CPA6: variants seen among roughly 807,000 people sequenced by gnomAD.
CPA6 encodes carboxypeptidase B.
A neutral mutation model predicts 63.3 loss-of-function variants in CPA6; 58 were observed. The observed-to-expected ratio is 0.92, with a 90% CI of 0.74 to 1.14. The LOEUF is 1.14. CPA6 is among the 50% of genes most tolerant of loss of function. The pLI, the probability that CPA6 is intolerant of heterozygous loss-of-function variation, is 0.00. For missense variants in CPA6, 565 were observed against 526.6 expected, an observed-to-expected ratio of 1.07 and a Z score of -0.71; for synonymous variants, 185 against 179.0, an observed-to-expected ratio of 1.03 and a Z score of -0.27.
intron 3 of CPA6, among the ~76,000 whole-genome samples, chr8:67,514,147 C>G (rs542808218): frequency 9.9e-5 from 15 of 151,790 alleles, no homozygotes; most frequent in Admixed American, 2.0e-4. Context: ...TAGTAGAGAC[C>G]GGGTTTCACC....
rs1816841412 is a variant in CPA6, at chr8:67,692,914, G to C, written c.116+53100C>G. 2.0e-5 allele frequency among the ~76,000 whole-genome samples: 3 copies of C among 152,184 alleles called. No homozygotes were observed. In the South Asian group the frequency reaches 6.2e-4, roughly 31 times the overall value. ...ACATGTAGACATATATTCACTACGA[G>C]TCATACCCATTAGCATAGACCCATA... On this transcript the variant is annotated intron_variant, in intron 1 of 10. Coordinates refer to ENST00000297770, the MANE Select transcript of CPA6 (RefSeq NM_020361.5).
rs1413664730 is a variant in CPA6, at chr8:67,678,323, AGAGT to A, written c.117-54076_117-54073del. Reference sequence around the variant, plus strand: ...AATTCTGATCATCAAAAGATGCTATAGAGTGAGAGAATATTCACAATTTGTTACA... The same window carrying A: ...AATTCTGATCATCAAAAGATGCTATAGAGAGAATATTCACAATTTGTTACA... On this transcript the variant is annotated intron_variant, in intron 1 of 10. Coordinates refer to ENST00000297770, the MANE Select transcript of CPA6 (RefSeq NM_020361.5). 7.9e-5 allele frequency among the ~76,000 whole-genome samples: 12 copies of A among 152,178 alleles called. No homozygotes were observed. The South Asian group carries it at 2.3e-3, about 29-fold the overall frequency.
intron 1 of CPA6, among the ~76,000 whole-genome samples, chr8:67,649,819 A>T (rs747220895): frequency 3.3e-5 from 5 of 152,176 alleles, no homozygotes; most frequent in Non-Finnish European, 7.3e-5. Context: ...GACCAAAAAA[A>T]ATGCTTCTTG....
intron 1 of CPA6, among the ~76,000 whole-genome samples, chr8:67,695,096 T>C (rs1304098187): frequency 6.6e-6 from 1 of 152,180 alleles, no homozygotes; most frequent in Non-Finnish European, 1.5e-5. Context: ...GGGAGGATTT[T>C]AATAATCAAG....
At chr8:67,674,370 T>C (rs1339353675) in intron 1 of CPA6, among the ~76,000 whole-genome samples, 1 of 152,230 alleles carries the variant, frequency 6.6e-6, no homozygotes, top group Non-Finnish European at 1.5e-5. Flanking sequence ...GCAAGCTGGT[T>C]ATTTGTCAAA....
chr8:67,621,763 C>T (rs967573640), intron 2 of CPA6, among the ~76,000 whole-genome samples: 4 of 152,214 alleles, frequency 2.6e-5, no homozygotes, highest in Non-Finnish European at 4.4e-5. Context: ...TCCCTTCTTT[C>T]TCACCAGATC....
At chr8:67,744,037 G>T (rs1475198535) in intron 1 of CPA6, among the ~76,000 whole-genome samples, 6 of 152,204 alleles carry the variant, frequency 3.9e-5, no homozygotes, top group Non-Finnish European at 8.8e-5. Context: ...TTCACCGGAA[G>T]GCTAAACTTG....
chr8:67,599,550 A>G (rs181514960), intron 2 of CPA6, among the ~76,000 whole-genome samples: 2 of 152,220 alleles, frequency 1.3e-5, no homozygotes, highest in East Asian at 1.9e-4. Flanking sequence ...ATAATCAACT[A>G]TTGTTTCAAT....
intron 8 of CPA6, among the ~76,000 whole-genome samples, chr8:67,448,639 G>GAAATAAAAAAAAAAAA (rs748305204): frequency 4.3e-5 from 1 of 23,310 alleles, no homozygotes; most frequent in African/African-American, 1.7e-4. Context: ...CTCAAAAAAG[G>GAAATAAAAAAAAAAAA]AAAAAAAAAA....
At chr8:67,639,659 T>C (rs1815545967) in intron 1 of CPA6, among the ~76,000 whole-genome samples, 1 of 151,694 alleles carries the variant, frequency 6.6e-6, no homozygotes, top group African/African-American at 2.4e-5. Flanking sequence ...CTGGGCTCCC[T>C]GAAGGGCTGC....
chr8:67,724,192 C>T (rs1046240489), intron 1 of CPA6, among the ~76,000 whole-genome samples: 1 of 152,184 alleles, frequency 6.6e-6, no homozygotes, highest in Non-Finnish European at 1.5e-5. Context: ...TGCTTGTTTA[C>T]ATCAGATACA....
chr8:67,692,670 C>T (rs952348429), intron 1 of CPA6, among the ~76,000 whole-genome samples: 1 of 152,152 alleles, frequency 6.6e-6, no homozygotes, highest in Non-Finnish European at 1.5e-5. Context: ...ACTAGAATCA[C>T]ACAGAAGTGC....
intron 8 of CPA6, among the ~76,000 whole-genome samples, chr8:67,475,884 TTC>T (rs1811208844): frequency 2.6e-5 from 1 of 39,214 alleles, no homozygotes; most frequent in Non-Finnish European, 5.1e-5. Flanking sequence ...TCTTTCTCCT[TTC>T]TTTCTTTCTT....
intron 1 of CPA6, among the ~76,000 whole-genome samples, chr8:67,694,728 C>T (rs1446076444): frequency 2.0e-5 from 3 of 152,146 alleles, no homozygotes; most frequent in South Asian, 2.1e-4. Context: ...CTGTACAATA[C>T]GCAGGCACTA....
At chr8:67,721,852 G>A (rs80210665) in intron 1 of CPA6, among the ~76,000 whole-genome samples, 37 of 152,192 alleles carry the variant, frequency 2.4e-4, no homozygotes, top group African/African-American at 7.2e-4. Context: ...GCCTCTTTAC[G>A]TGTCTTAAAG....
At chr8:67,736,105 A>C (rs1285065502) in intron 1 of CPA6, among the ~76,000 whole-genome samples, 1 of 152,056 alleles carries the variant, frequency 6.6e-6, no homozygotes, top group Non-Finnish European at 1.5e-5. Context: ...CCTACTTTAC[A>C]GAGAAAGGAG....
At chr8:67,464,537 T>C (rs1810883731) in intron 8 of CPA6, among the ~76,000 whole-genome samples, 1 of 152,160 alleles carries the variant, frequency 6.6e-6, no homozygotes, top group Non-Finnish European at 1.5e-5. Context: ...CAATTGTCAA[T>C]TTTTGTTTTT....
chr8:67,635,644 G>C (rs547608478), intron 1 of CPA6, among the ~76,000 whole-genome samples: 2 of 151,750 alleles, frequency 1.3e-5, no homozygotes, highest in African/African-American at 2.4e-5. Flanking sequence ...GTGCATGCCT[G>C]TAATCCCAGC....
At chr8:67,587,338 T>C (rs912777087) in intron 2 of CPA6, among the ~76,000 whole-genome samples, 1 of 151,914 alleles carries the variant, frequency 6.6e-6, no homozygotes. Flanking sequence ...TTCTAAGGGG[T>C]TGAGGGGAAA....
Sources: allele counts gnomAD v4.1 joint callset (sites outside exome capture counted in the v4.1 genomes callset), GRCh38; gene constraint gnomAD v4.1.1; transcripts MANE v1.5; gene names NCBI Gene and HGNC (gene_info 2026-07-23, HGNC 2026-07-21).